ENAH: variants seen among roughly 807,000 people sequenced by gnomAD.
ENAH encodes the protein protein enabled homolog.
Under a neutral mutation model 78.7 loss-of-function variants are expected in ENAH, and 23 were observed. That is an observed-to-expected ratio of 0.29 (90% CI 0.21 to 0.41). ENAH has a LOEUF of 0.41. ENAH is among the 10% of genes least tolerant of loss of function. ENAH has a pLI of 1.00. For missense variants in ENAH, 544 were observed against 691.0 expected, an observed-to-expected ratio of 0.79 and a Z score of 2.39; for synonymous variants, 226 against 241.0, an observed-to-expected ratio of 0.94 and a Z score of 0.58.
At chr1:225,573,734 A>G (rs1431836007) in intron 1 of ENAH, among the ~76,000 whole-genome samples, 1 of 152,206 alleles carries the variant, frequency 6.6e-6, no homozygotes, top group African/African-American at 2.4e-5. Context: ...CAAAAGGAGG[A>G]AAAAAATTAT....
At chr1:225,607,827 A>C (rs1331358699) in intron 1 of ENAH, among the ~76,000 whole-genome samples, 1 of 152,194 alleles carries the variant, frequency 6.6e-6, no homozygotes, top group African/African-American at 2.4e-5. Context: ...AGACACTGAC[A>C]GCTGAGGGTC....
chr1:225,562,013 A>G (rs773013277), intron 2 of ENAH, among the ~76,000 whole-genome samples: 8 of 152,012 alleles, frequency 5.3e-5, no homozygotes, highest in Non-Finnish European at 8.8e-5. Flanking sequence ...TTCTTTGCTT[A>G]TGTGCTTAAC....
intron 1 of ENAH, among the ~76,000 whole-genome samples, chr1:225,622,297 T>G (rs113949664): frequency 0.011 from 1,674 of 152,256 alleles, 29 homozygotes; most frequent in African/African-American, 0.038. Context: ...ATGTCCTCAA[T>G]AAAGGTGTTG....
rs141743089 is a variant in ENAH at position 225,496,838 on chromosome 1, C to A, written c.*937G>T. 6.6e-6 allele frequency: 1 copy of A among 152,634 alleles called. No homozygotes were observed. Among genetic ancestry groups the A allele is most frequent in the East Asian group, 1.9e-4 (1 of 5,186 alleles). The allele number at this position is 152,634 out of a possible 1,614,324, so 9.5% of individuals were successfully genotyped here. On this transcript the variant is annotated 3_prime_UTR_variant, in exon 14 of 14. Transcript: ENST00000366843. Reference sequence around the variant, plus strand: ...CCCCTATACTCTACAAAATGTTTTCCCTGGGACTAGGCCTTGAAAAGGCCA... The same window carrying A: ...CCCCTATACTCTACAAAATGTTTTCACTGGGACTAGGCCTTGAAAAGGCCA...
intron 3 of ENAH, among the ~76,000 whole-genome samples, chr1:225,553,249 A>C (rs1324678518): frequency 6.6e-6 from 1 of 152,144 alleles, no homozygotes; most frequent in Non-Finnish European, 1.5e-5. Flanking sequence ...ATAAATAAAT[A>C]AATTTGCATT....
chr1:225,504,937 T>C (rs372280226), intron 11 of ENAH: 2 of 1,433,484 alleles, frequency 1.4e-6, no homozygotes, highest in Non-Finnish European at 2.0e-6. Context: ...CTCAGCCCTA[T>C]CCTGAACATG....
chr1:225,559,175 C>G (rs2096685939), intron 2 of ENAH, among the ~76,000 whole-genome samples: 2 of 152,146 alleles, frequency 1.3e-5, no homozygotes, highest in Admixed American at 6.5e-5. Flanking sequence ...TTTCTTATTT[C>G]ATCGTGATTT....
At chr1:225,645,569 T>G (rs1230666535) in intron 1 of ENAH, among the ~76,000 whole-genome samples, 2 of 152,186 alleles carry the variant, frequency 1.3e-5, no homozygotes, top group African/African-American at 4.8e-5. Context: ...ATACGATAAC[T>G]CTATGTTTAA....
intron 1 of ENAH, among the ~76,000 whole-genome samples, chr1:225,582,468 G>A (rs867494888): frequency 2.8e-4 from 43 of 152,246 alleles, no homozygotes; most frequent in Admixed American, 1.2e-3. Context: ...CTTTTAGCCT[G>A]ACAACTGGTC....
intron 1 of ENAH, among the ~76,000 whole-genome samples, chr1:225,601,259 G>T (rs1382184897): frequency 6.6e-6 from 1 of 152,096 alleles, no homozygotes; most frequent in East Asian, 1.9e-4. Flanking sequence ...GGTGGCTCAC[G>T]CCTGTAATCC....
At chr1:225,577,554 AAATAGAAT>A (rs1399111566) in intron 1 of ENAH, among the ~76,000 whole-genome samples, 1 of 152,270 alleles carries the variant, frequency 6.6e-6, no homozygotes, top group African/African-American at 2.4e-5. Flanking sequence ...TCTTTCTGAG[AAATAGAAT>A]AATAAATAAA....
At position 225,517,271 on chromosome 1, in the gene ENAH, C is replaced by T; in HGVS notation, c.838G>A (p.Val280Met). 1 of 1,551,782 alleles carries T rather than the reference C, an allele frequency of 6.4e-7. No individual in the cohort carries two copies. The highest frequency in any genetic ancestry group is 8.7e-7 in the Non-Finnish European group (1 of 1,147,092). The change falls in exon 6 of 14, where the codon GTG becomes ATG. Residue 280 changes from valine to methionine, a missense_variant. Coordinates refer to ENST00000366843, the MANE Select transcript of ENAH (RefSeq NM_018212.6). ...PASVETPLNS[V>M]LGDSSASEPG... ...TCAGAAGCAGAAGAGTCTCCCAGCACAGAGTTTAGAGGAGTCTCAACAGAG... is the reference window on the plus strand; with the variant it reads ...TCAGAAGCAGAAGAGTCTCCCAGCATAGAGTTTAGAGGAGTCTCAACAGAG...
chr1:225,528,526 T>G (rs1453562247), intron 4 of ENAH, among the ~76,000 whole-genome samples: 4 of 152,152 alleles, frequency 2.6e-5, no homozygotes, highest in African/African-American at 9.7e-5. Flanking sequence ...CAGGAGTGTC[T>G]GGACTCTTAT....
At position 225,495,990 on chromosome 1, in the gene ENAH, AG is replaced by A. The variant is rs1433433152; in HGVS notation, c.*1784del. ...TAAAGGCTGCAAATTTGCAGCGTTT[AG>A]AAAACTACACTATCAACAAGCTTTG... is the stretch of plus-strand genomic sequence containing the variant. On this transcript the variant is annotated 3_prime_UTR_variant, in exon 14 of 14. Coordinates refer to ENST00000366843, the MANE Select transcript of ENAH (RefSeq NM_018212.6). 9 of 152,784 alleles carry A rather than the reference AG, an allele frequency of 5.9e-5. No individual in the cohort carries two copies. Among genetic ancestry groups the A allele is most frequent in the Admixed American group, 5.9e-4 (9 of 15,296 alleles). 9.5% of individuals were successfully genotyped at this position (152,784 alleles called of 1,614,324 possible). A position where few individuals can be genotyped will look rare whatever the true frequency, so the allele number is the denominator to read the frequency against.
At chr1:225,588,801 CAAAAAAAAAA>C (rs55962047) in intron 1 of ENAH, among the ~76,000 whole-genome samples, 4 of 78,430 alleles carry the variant, frequency 5.1e-5, no homozygotes, top group East Asian at 3.8e-4. Flanking sequence ...AAGTCTGTGT[CAAAAAAAAAA>C]AAAAAAAAAA....
At chr1:225,585,215 CAAAAAAAAAAAAAAA>C (rs58586397) in intron 1 of ENAH, among the ~76,000 whole-genome samples, 66 of 49,938 alleles carry the variant, frequency 1.3e-3, no homozygotes, top group South Asian at 6.4e-3. Flanking sequence ...TACCCTGTCT[CAAAAAAAAAAAAAAA>C]AAAAAAAAAA....
intron 1 of ENAH, among the ~76,000 whole-genome samples, chr1:225,593,900 G>C (rs768536349): frequency 6.6e-6 from 1 of 152,168 alleles, no homozygotes; most frequent in Non-Finnish European, 1.5e-5. Context: ...TCAATAAAGT[G>C]TAGTTATTAA....
At chr1:225,631,009 T>C (rs1284784530) in intron 1 of ENAH, among the ~76,000 whole-genome samples, 1 of 152,224 alleles carries the variant, frequency 6.6e-6, no homozygotes, top group Non-Finnish European at 1.5e-5. Flanking sequence ...TTCACCGACC[T>C]TAAATATAAC....
At chr1:225,508,290 A>ATT (rs2096350138) in intron 10 of ENAH, 2 of 207,490 alleles carry the variant, frequency 9.6e-6, no homozygotes, top group Non-Finnish European at 1.9e-5. Flanking sequence ...TAACCTTAGG[A>ATT]TAGTAAGGAG....
Sources: gnomAD v4.1 joint callset for allele counts (sites outside exome capture counted in the v4.1 genomes callset) on GRCh38, gnomAD v4.1.1 for gene constraint, MANE v1.5 for transcripts, NCBI Gene and HGNC (gene_info 2026-07-23, HGNC 2026-07-21) for gene names.